SMCHD1: variants seen among roughly 807,000 people sequenced by gnomAD.
The protein encoded by SMCHD1 is structural maintenance of chromosomes flexible hinge domain containing 1, also known as structural maintenance of chromosomes flexible hinge domain-containing protein 1.
Under a neutral mutation model 254.7 loss-of-function variants are expected in SMCHD1, and 78 were observed. That is an observed-to-expected ratio of 0.31 (90% CI 0.26 to 0.37). The LOEUF is 0.37. Among genes scored for constraint, SMCHD1 ranks in the 10% least tolerant of loss-of-function variants. SMCHD1 has a pLI of 1.00. For missense variants in SMCHD1, 1,840 were observed against 2,408.1 expected, an observed-to-expected ratio of 0.76 and a Z score of 4.94; for synonymous variants, 766 against 794.9, an observed-to-expected ratio of 0.96 and a Z score of 0.61.
chr18:2,752,655 C>T, intron 34 of SMCHD1, 103 bp downstream of exon 34: 1 of 711,934 alleles, frequency 1.4e-6, no homozygotes, highest in Non-Finnish European at 2.3e-6. Context: ...AATTTATGAT[C>T]AAATAGAAAT....
chr18:2,694,723 T>G (rs777996535), intron 8 of SMCHD1, 30 bp downstream of exon 8: 2 of 1,594,960 alleles, frequency 1.3e-6, no homozygotes, highest in South Asian at 2.2e-5. Context: ...TTAGGAAATG[T>G]TGCTACTTAA....
intron 19 of SMCHD1, among the ~76,000 whole-genome samples, chr18:2,721,460 A>G (rs187302571): frequency 1.0e-3 from 152 of 152,218 alleles, no homozygotes; most frequent in Non-Finnish European, 2.0e-3. Context: ...ACATATTTTC[A>G]TAAGATGGGC....
intron 17 of SMCHD1, among the ~76,000 whole-genome samples, chr18:2,708,210 A>G (rs1047790664): frequency 6.6e-5 from 10 of 152,236 alleles, no homozygotes; most frequent in Admixed American, 5.9e-4. Context: ...ATAAGCATAT[A>G]TGTATTATTA....
intron 25 of SMCHD1, among the ~76,000 whole-genome samples, chr18:2,736,928 C>T (rs2075262452): frequency 6.6e-6 from 1 of 152,070 alleles, no homozygotes; most frequent in Non-Finnish European, 1.5e-5. Context: ...ACCATTTCAC[C>T]AAATATACGT....
chr18:2,762,023 T>A, intron 35 of SMCHD1, 82 bp from the exon 36 acceptor site: 1 of 1,086,182 alleles, frequency 9.2e-7, no homozygotes. Flanking sequence ...ATTTAGTATG[T>A]GCCATTGTTA....
rs1170561345 is a variant in SMCHD1, at chr18:2,802,528, GATT to G, written c.5997_5999del (p.Ile2000del). On this transcript the variant is annotated inframe_deletion and splice_region_variant, in exon 48 of 48. Coordinates refer to ENST00000320876, the MANE Select transcript of SMCHD1 (RefSeq NM_015295.3). Reference sequence around the variant, plus strand: ...TTTTTTTTCTTTCCCCTTTGACCAGGATTATAACCAAAACAGATGTATGAGAGG... The same window carrying G: ...TTTTTTTTCTTTCCCCTTTGACCAGGATAACCAAAACAGATGTATGAGAGG... 1.3e-6 allele frequency: 2 copies of G among 1,552,884 alleles called. No individual in the cohort carries two copies. The highest frequency in any genetic ancestry group is 1.7e-6 in the Non-Finnish European group (2 of 1,147,720).
At chr18:2,748,389 A>ATTTTT (rs1378317162) in intron 30 of SMCHD1, among the ~76,000 whole-genome samples, 2 of 22,656 alleles carry the variant, frequency 8.8e-5, no homozygotes, top group African/African-American at 3.1e-4. Flanking sequence ...TGTGTATATA[A>ATTTTT]ATTTTTTTTT....
chr18:2,796,655 A>G, intron 47 of SMCHD1, 134 bp downstream of exon 47: 1 of 642,646 alleles, frequency 1.6e-6, no homozygotes. Flanking sequence ...ATCTTGGCTC[A>G]GTGCAACCTC....
intron 3 of SMCHD1, among the ~76,000 whole-genome samples, chr18:2,669,919 C>A (rs2073549286): frequency 6.6e-6 from 1 of 152,204 alleles, no homozygotes; most frequent in African/African-American, 2.4e-5. Flanking sequence ...CTTAATCTGA[C>A]AGAAAATCCT....
intron 42 of SMCHD1, among the ~76,000 whole-genome samples, chr18:2,776,826 A>G (rs2076073590): frequency 6.6e-6 from 1 of 152,202 alleles, no homozygotes; most frequent in Admixed American, 6.5e-5. Flanking sequence ...GCCACCCTGC[A>G]ACTAGTCAGT....
chr18:2,749,880 A>G (rs149608291), intron 30 of SMCHD1, among the ~76,000 whole-genome samples, 163 bp from the exon 31 acceptor site: 1 of 152,322 alleles, frequency 6.6e-6, no homozygotes, highest in Non-Finnish European at 1.5e-5. Context: ...ATTACATACT[A>G]CATTATTCCA....
intron 29 of SMCHD1, among the ~76,000 whole-genome samples, chr18:2,746,890 G>A (rs772396320): frequency 7.2e-5 from 11 of 152,160 alleles, no homozygotes; most frequent in Non-Finnish European, 1.3e-4. Context: ...CAGATTTCTA[G>A]ATTTATACAG....
In SMCHD1 at chr18:2,726,437, GT is replaced by G. The variant is rs886044517; in HGVS notation, c.2701-8del. 15 of 1,442,128 alleles carry G rather than the reference GT, an allele frequency of 1.0e-5. No homozygotes were observed. The highest frequency in any genetic ancestry group is 2.6e-5 in the East Asian group (1 of 38,594). 89.3% of individuals were successfully genotyped at this position (1,442,128 alleles called of 1,614,324 possible). A position where few individuals can be genotyped will look rare whatever the true frequency, so the allele number is the denominator to read the frequency against. ...TTCAGGACTGGGTTTAATTTTTACT[GT>G]TTTTTTCCAACAGAATTATAATCTG... On this transcript the variant is annotated splice_polypyrimidine_tract_variant and intron_variant, in intron 21 of 47. Transcript: ENST00000320876.
chr18:2,762,263 C>T lies in SMCHD1; in HGVS notation c.4566+27C>T, dbSNP rs773866691. The stretch of plus-strand genomic sequence containing the variant: ...TAATGTTTATTTTCTTCCAAAACTG[C>T]GAAGGGTAACAAGAAAAATTATCTT... On this transcript the variant is annotated intron_variant, in intron 36 of 47. Coordinates refer to ENST00000320876, the MANE Select transcript of SMCHD1 (RefSeq NM_015295.3). 56 of 1,604,448 alleles carry T rather than the reference C, an allele frequency of 3.5e-5. 1 individual carries two copies. The South Asian group carries it at 6.0e-4, about 17-fold the overall frequency.
rs184118143 is a variant in SMCHD1 at position 2,775,057 on chromosome 18, C to A, written c.5176-677C>A. Among the ~76,000 whole-genome samples, 923 of 138,698 alleles carry A rather than the reference C, an allele frequency of 6.7e-3. 3 individuals are homozygous for A. The highest frequency in any genetic ancestry group is 0.011 in the Non-Finnish European group (697 of 64,634). 91.0% of individuals were successfully genotyped at this position (138,698 alleles called of 152,430 possible). On this transcript the variant is annotated intron_variant, in intron 41 of 47. Coordinates refer to ENST00000320876, the MANE Select transcript of SMCHD1 (RefSeq NM_015295.3). Reference sequence around the variant, plus strand: ...AAAGCATTGTTCCTAGAAACAGAAGCAAAAGGAACAATTTTTTTTTTTTTT... The same window carrying A: ...AAAGCATTGTTCCTAGAAACAGAAGAAAAAGGAACAATTTTTTTTTTTTTT...
chr18:2,783,560 C>T (rs1185365169), intron 44 of SMCHD1, among the ~76,000 whole-genome samples: 1 of 151,860 alleles, frequency 6.6e-6, no homozygotes, highest in Non-Finnish European at 1.5e-5. Flanking sequence ...TTTATTCTGA[C>T]TTCTCTGAAG....
intron 37 of SMCHD1, among the ~76,000 whole-genome samples, chr18:2,767,570 T>C (rs1454997436): frequency 6.9e-6 from 1 of 144,660 alleles, no homozygotes; most frequent in Non-Finnish European, 1.5e-5. Context: ...GGGCTATATA[T>C]CACAACCTAT....
Position 2,741,287 on chromosome 18 carries a change from A to G in SMCHD1, c.3633+466A>G, listed in dbSNP as rs185525630. Among the ~76,000 whole-genome samples the G allele has an allele frequency of 4.2e-3, 636 of 152,320 alleles. 2 individuals carry two copies. Among genetic ancestry groups the G allele is most frequent in the Non-Finnish European group, 4.9e-3 (336 of 68,032 alleles). On this transcript the variant is annotated intron_variant, in intron 28 of 47. Coordinates refer to ENST00000320876, the MANE Select transcript of SMCHD1 (RefSeq NM_015295.3). ...GGTGGAATTCTTTCAGTCTAAAACA[A>G]ACAAGCATGCTGTACTCTGCTTAGA...
intron 1 of SMCHD1, among the ~76,000 whole-genome samples, chr18:2,664,707 A>G (rs1259976457): frequency 6.6e-6 from 1 of 152,218 alleles, no homozygotes. Flanking sequence ...TAGCAATGCT[A>G]ACATTAAAAT....
Sources: allele counts gnomAD v4.1 joint callset (sites outside exome capture counted in the v4.1 genomes callset), GRCh38; gene constraint gnomAD v4.1.1; transcripts MANE v1.5; gene names NCBI Gene and HGNC (gene_info 2026-07-23, HGNC 2026-07-21).